SWAP70: variants seen among roughly 807,000 people sequenced by gnomAD.
SWAP70 encodes switch-associated protein 70.
Under a neutral mutation model 80.2 loss-of-function variants are expected in SWAP70, and 34 were observed. The ratio of observed to expected loss-of-function variants is 0.42; its 90% CI spans 0.32 to 0.56. The LOEUF is 0.56. SWAP70 is among the 20% of genes least tolerant of loss of function. The pLI, the probability that SWAP70 is intolerant of heterozygous loss-of-function variation, is 0.09. For missense variants in SWAP70, 578 were observed against 690.7 expected, an observed-to-expected ratio of 0.84 and a Z score of 1.83; for synonymous variants, 239 against 238.5, an observed-to-expected ratio of 1.00 and a Z score of -0.02.
chr11:9,671,397 T>A (rs1333621045), intron 1 of SWAP70, among the ~76,000 whole-genome samples: 1 of 104,838 alleles, frequency 9.5e-6, no homozygotes, highest in African/African-American at 4.2e-5. Context: ...TAAATATATA[T>A]AAATATATAA....
Position 9,708,895 on chromosome 11 carries a change from G to C in SWAP70, c.241-4571G>C, listed in dbSNP as rs373470734. The stretch of plus-strand genomic sequence containing the variant: ...TGAGTTCTACAAGCAGTTTGGTATG[G>C]TGGGAAGAGCTAGCATTTGAGACAG... On this transcript the variant is annotated intron_variant, in intron 2 of 11. Transcript: ENST00000318950. Among the ~76,000 whole-genome samples, 3 of 152,196 alleles carry C rather than the reference G, an allele frequency of 2.0e-5. No homozygotes were observed. The South Asian group carries it at 6.2e-4, about 32-fold the overall frequency.
At chr11:9,721,851 T>C (rs1399081503) in intron 3 of SWAP70, among the ~76,000 whole-genome samples, 6 of 152,192 alleles carry the variant, frequency 3.9e-5, no homozygotes, top group Non-Finnish European at 1.5e-5. Context: ...TGTTAAAATA[T>C]GTTATTTTAC....
rs746947364 is a variant in SWAP70, at chr11:9,694,285, A to G, written c.239A>G (p.Lys80Arg). 8.1e-6 allele frequency: 13 copies of G among 1,610,260 alleles called. 1 individual carries two copies. In the South Asian group the frequency reaches 1.4e-4, roughly 18 times the overall value. ...MPYLNRFILEKVQDNFDKIEF... is the reference protein window; with the variant it reads ...MPYLNRFILERVQDNFDKIEF... ...TATTTAAACAGGTTCATTTTGGAAA[A>G]GGTATGATTCTAACCTTTTTTTGGG... Residue 80 changes from lysine (K) to arginine (R), a missense_variant and splice_region_variant, in exon 2 of 12, where the codon AAG becomes AGG. Physicochemically the swap from Lys to Arg is conservative, Grantham distance 26 (BLOSUM62 2). Transcript: ENST00000318950.
intron 9 of SWAP70, among the ~76,000 whole-genome samples, chr11:9,747,133 C>A (rs983277141): frequency 6.6e-6 from 1 of 152,158 alleles, no homozygotes; most frequent in Non-Finnish European, 1.5e-5. Flanking sequence ...TGGGTATTCC[C>A]AGATAGGTAT....
chr11:9,675,999 T>A (rs977368488), intron 1 of SWAP70, among the ~76,000 whole-genome samples: 1 of 152,218 alleles, frequency 6.6e-6, no homozygotes, highest in African/African-American at 2.4e-5. Context: ...CCAGGAACAC[T>A]AAGTGATTGT....
intron 1 of SWAP70, among the ~76,000 whole-genome samples, chr11:9,671,439 TA>T (rs1345832438): frequency 2.0e-3 from 185 of 93,706 alleles, no homozygotes; most frequent in Non-Finnish European, 3.1e-3. Flanking sequence ...TATAAATATA[TA>T]AAAATATATT....
intron 2 of SWAP70, among the ~76,000 whole-genome samples, chr11:9,710,874 G>A (rs1850988576): frequency 6.6e-6 from 1 of 151,666 alleles, no homozygotes; most frequent in Admixed American, 6.6e-5. Flanking sequence ...TGTACAGACC[G>A]GGTCTGTCTC....
chr11:9,749,138 G>T lies in SWAP70; in HGVS notation c.1606G>T (p.Asp536Tyr). ...MATNKTKSWK[D>Y]KVAHHEGLIR... ...AACTAATAAGACCAAGAGCTGGAAG[G>T]ACAAAGTGGCCCATCATGAAGGATT... Residue 536 changes from aspartate (D) to tyrosine (Y), a missense_variant, in exon 11 of 12, where the codon GAC becomes TAC. Coordinates refer to ENST00000318950, the MANE Select transcript of SWAP70 (RefSeq NM_015055.4). The T allele has an allele frequency of 6.2e-7, 1 of 1,613,014 alleles. No individual in the cohort carries two copies. Among genetic ancestry groups the T allele is most frequent in the Non-Finnish European group, 8.5e-7 (1 of 1,179,356 alleles).
At chr11:9,731,791 G>A (rs970961027) in intron 6 of SWAP70, among the ~76,000 whole-genome samples, 5 of 152,174 alleles carry the variant, frequency 3.3e-5, no homozygotes. Context: ...AAAACTGTTA[G>A]CATTAGTTGC....
intron 6 of SWAP70, among the ~76,000 whole-genome samples, chr11:9,730,186 C>T (rs1171626131): frequency 1.3e-5 from 2 of 152,120 alleles, no homozygotes; most frequent in South Asian, 4.2e-4. Flanking sequence ...ATTTTAGTTC[C>T]CACTTATAAA....
At chr11:9,666,814 T>C (rs1010866197) in intron 1 of SWAP70, among the ~76,000 whole-genome samples, 6 of 144,040 alleles carry the variant, frequency 4.2e-5, no homozygotes, top group Non-Finnish European at 9.1e-5. Flanking sequence ...AACCTCTGCC[T>C]CCCGGGTTCA....
intron 3 of SWAP70, among the ~76,000 whole-genome samples, chr11:9,719,467 G>C (rs1851108524): frequency 6.6e-6 from 1 of 152,076 alleles, no homozygotes; most frequent in South Asian, 2.1e-4. Flanking sequence ...AGAATCGCTT[G>C]AACCCAGGAG....
At chr11:9,726,527 A>G (rs1851227636) in intron 4 of SWAP70, among the ~76,000 whole-genome samples, 2 of 152,212 alleles carry the variant, frequency 1.3e-5, no homozygotes, top group African/African-American at 2.4e-5. Flanking sequence ...GGATGGCAGG[A>G]TATGACTGTA....
intron 1 of SWAP70, among the ~76,000 whole-genome samples, chr11:9,679,588 G>A (rs902085597): frequency 1.3e-5 from 2 of 152,220 alleles, no homozygotes; most frequent in Non-Finnish European, 2.9e-5. Context: ...TAGTAGATCA[G>A]ACTACATTGG....
At chr11:9,674,730 C>T (rs1273531449) in intron 1 of SWAP70, among the ~76,000 whole-genome samples, 2 of 150,228 alleles carry the variant, frequency 1.3e-5, no homozygotes, top group Non-Finnish European at 3.0e-5. Flanking sequence ...TTTGGGAGGC[C>T]GAGGTGGGCG....
chr11:9,664,102 T>C lies in SWAP70; in HGVS notation c.-78T>C. On this transcript the variant is annotated 5_prime_UTR_variant, in exon 1 of 12. Transcript: ENST00000318950. ...AGGTGACTGCGCGGCGGGCTGTGGC[T>C]GCGGAGGTTGAGGGGCGTCCGAGGC... 1.5e-6 allele frequency: 2 copies of C among 1,369,434 alleles called. No homozygotes were observed. The highest frequency in any genetic ancestry group is 2.0e-6 in the Non-Finnish European group (2 of 1,022,266). The allele number at this position is 1,369,434 out of a possible 1,614,324, so 84.8% of individuals were successfully genotyped here.
At position 9,749,895 on chromosome 11, in the gene SWAP70, G is replaced by C; in HGVS notation, c.1683G>C (p.Trp561Cys). 2 of 1,613,860 alleles carry C rather than the reference G, an allele frequency of 1.2e-6. No individual in the cohort carries two copies. The highest frequency in any genetic ancestry group is 1.7e-6 in the Non-Finnish European group (2 of 1,179,818). The change falls in exon 12 of 12, where the codon TGG becomes TGC. Residue 561 changes from tryptophan to cysteine, a missense_variant. Transcript: ENST00000318950. ...AGAACCCTCACCTGATCACTAACTGGGGACCTGCAGCTTTCACTGAGGCAG... is the reference window on the plus strand; with the variant it reads ...AGAACCCTCACCTGATCACTAACTGCGGACCTGCAGCTTTCACTGAGGCAG... The part of the protein sequence containing the change: ...GSKNPHLITN[W>C]GPAAFTEAEL...
In SWAP70 at chr11:9,750,005, T is replaced by C. The variant is rs1851564866; in HGVS notation, c.*35T>C. The C allele has an allele frequency of 7.1e-7, 1 of 1,401,090 alleles. No individual in the cohort carries two copies. Among genetic ancestry groups the C allele is most frequent in the African/African-American group, 1.4e-5 (1 of 70,528 alleles). The allele number at this position is 1,401,090 out of a possible 1,614,324, so 86.8% of individuals were successfully genotyped here. Reference sequence around the variant, plus strand: ...CTGGCAGTCACGTCAGTTATGTAGATACTGCATGGCAGGAGAGCTTTACGC... The same window carrying C: ...CTGGCAGTCACGTCAGTTATGTAGACACTGCATGGCAGGAGAGCTTTACGC... On this transcript the variant is annotated 3_prime_UTR_variant, in exon 12 of 12. Transcript: ENST00000318950.
At chr11:9,739,667 T>C (rs1851410085) in intron 8 of SWAP70, among the ~76,000 whole-genome samples, 1 of 152,216 alleles carries the variant, frequency 6.6e-6, no homozygotes, top group African/African-American at 2.4e-5. Context: ...CTTGAGTTCC[T>C]CTAGGGCTGG....
Sources: allele counts gnomAD v4.1 joint callset (sites outside exome capture counted in the v4.1 genomes callset), GRCh38; gene constraint gnomAD v4.1.1; transcripts MANE v1.5; gene names NCBI Gene and HGNC (gene_info 2026-07-23, HGNC 2026-07-21).